Variants in LNPK observed in about 807,000 individuals in gnomAD.
The protein encoded by LNPK is lunapark, ER junction formation factor, also known as endoplasmic reticulum junction formation protein lunapark.
Under a neutral mutation model 55.2 loss-of-function variants are expected in LNPK, and 29 were observed. The observed-to-expected ratio is 0.53, with a 90% confidence interval of 0.39 to 0.72. The LOEUF is 0.72. Among genes scored for constraint, LNPK ranks in the 30% least tolerant of loss-of-function variants. The probability of loss-of-function intolerance (pLI) is 0.00; values close to 1 mark genes in which losing one functional copy is unlikely to be tolerated. For synonymous variants in LNPK, 162 were observed against 168.2 expected, an observed-to-expected ratio of 0.96 and a Z score of 0.29; for missense variants, 467 against 494.8, an observed-to-expected ratio of 0.94 and a Z score of 0.53.
chr2:175,953,635 C>A (rs1485050415), intron 8 of LNPK, among the ~76,000 whole-genome samples: 1 of 151,910 alleles, frequency 6.6e-6, no homozygotes, highest in Non-Finnish European at 1.5e-5. Context: ...TCTCAAATCT[C>A]TTCTTTTTCC....
intron 9 of LNPK, among the ~76,000 whole-genome samples, chr2:175,944,492 G>GAT (rs1240988316): frequency 6.6e-6 from 1 of 152,030 alleles, no homozygotes; most frequent in Non-Finnish European, 1.5e-5. Flanking sequence ...ATTTGCAGGA[G>GAT]ATACTCTGAA....
chr2:175,994,110 T>A, intron 2 of LNPK: 1 of 900,202 alleles, frequency 1.1e-6, no homozygotes, highest in Non-Finnish European at 1.3e-6. Context: ...AAATCACTCA[T>A]AAAACACTTG....
chr2:175,980,704 T>C (rs140115388), intron 4 of LNPK, among the ~76,000 whole-genome samples: 155 of 152,090 alleles, frequency 1.0e-3, no homozygotes, highest in African/African-American at 3.3e-3. Flanking sequence ...GTCAGGAGTT[T>C]GAGACCAGCC....
At chr2:176,001,537 C>G (rs1688159235) in intron 1 of LNPK, among the ~76,000 whole-genome samples, 1 of 152,122 alleles carries the variant, frequency 6.6e-6, no homozygotes, top group East Asian at 1.9e-4. Context: ...TGCACCTTCG[C>G]CCTTCCCCTC....
intron 8 of LNPK, among the ~76,000 whole-genome samples, chr2:175,957,839 C>A (rs574357221): frequency 1.3e-5 from 2 of 152,228 alleles, no homozygotes; most frequent in Non-Finnish European, 2.9e-5. Context: ...CCTGGAAAAT[C>A]GGTACACTCC....
rs536802795 is a variant in LNPK at position 175,986,742 on chromosome 2, G to T, written c.257+5489C>A. On this transcript the variant is annotated intron_variant, in intron 4 of 12. Coordinates refer to ENST00000272748, the MANE Select transcript of LNPK (RefSeq NM_030650.3). ...TTAACAACATTCAACAACCTTTCTT[G>T]ATTAAAAAAAACTAAATACAGTAAG... Among the ~76,000 whole-genome samples the T allele has an allele frequency of 7.9e-5, 12 of 151,840 alleles. No individual in the cohort carries two copies. The East Asian group carries it at 2.1e-3, about 27-fold the overall frequency.
intron 9 of LNPK, among the ~76,000 whole-genome samples, chr2:175,945,510 G>GAAAAAAAAA (rs758611547): frequency 3.8e-5 from 4 of 105,088 alleles, no homozygotes; most frequent in Non-Finnish European, 3.8e-5. Context: ...TGTCTCAAAA[G>GAAAAAAAAA]AAAAAAAAAA....
chr2:175,967,667 C>T (rs1198694733), intron 6 of LNPK: 1 of 984,552 alleles, frequency 1.0e-6, no homozygotes, highest in Middle Eastern at 5.2e-4. Flanking sequence ...TGTCTGGTAT[C>T]CCTGATTTGA....
At chr2:176,001,661 T>A (rs1408441814) in intron 1 of LNPK, among the ~76,000 whole-genome samples, 1 of 152,094 alleles carries the variant, frequency 6.6e-6, no homozygotes, top group Non-Finnish European at 1.5e-5. Flanking sequence ...ACTGACAGTT[T>A]TCAGTCCCTT....
rs1352802132 is a variant in LNPK, at chr2:175,924,113, CA to C, written c.*5853del. 3 of 152,178 alleles carry C rather than the reference CA, an allele frequency of 2.0e-5. No homozygotes were observed. The highest frequency in any genetic ancestry group is 7.2e-5 in the African/African-American group (3 of 41,454). The allele number at this position is 152,178 out of a possible 1,614,324, so 9.4% of individuals were successfully genotyped here. A position where few individuals can be genotyped will look rare whatever the true frequency, so the allele number is the denominator to read the frequency against. ...ATCTCTACCTTGGTTCATCTTTACA[CA>C]AGTACTTGAATTCCCTTTAATGTCT... On this transcript the variant is annotated 3_prime_UTR_variant, in exon 13 of 13. Coordinates refer to ENST00000272748, the MANE Select transcript of LNPK (RefSeq NM_030650.3).
At position 175,932,254 on chromosome 2, in the gene LNPK, C is replaced by T. The variant is rs114721548; in HGVS notation, c.1055-2055G>A. On this transcript the variant is annotated intron_variant, in intron 12 of 12. Transcript: ENST00000272748. Reference sequence around the variant, plus strand: ...AAAAATAGACTTTACTAGTCAAAGCCGATTTAATGTACAAATTCTGGGGCC... The same window carrying T: ...AAAAATAGACTTTACTAGTCAAAGCTGATTTAATGTACAAATTCTGGGGCC... The T allele has an allele frequency of 1.9e-4, 82 of 439,174 alleles. 1 individual carries two copies. Among genetic ancestry groups the T allele is most frequent in the African/African-American group, 1.5e-3 (73 of 49,508 alleles). The allele number at this position is 439,174 out of a possible 1,614,324, so 27.2% of individuals were successfully genotyped here. A position where few individuals can be genotyped will look rare whatever the true frequency, so the allele number is the denominator to read the frequency against.
chr2:175,992,066 A>G (rs951009458), intron 4 of LNPK, among the ~76,000 whole-genome samples, 165 bp downstream of exon 4: 1 of 152,218 alleles, frequency 6.6e-6, no homozygotes, highest in Non-Finnish European at 1.5e-5. Context: ...ATGAAGGTTT[A>G]GAACAATTGT....
intron 12 of LNPK, among the ~76,000 whole-genome samples, chr2:175,930,938 T>C (rs894154089): frequency 6.6e-6 from 1 of 152,136 alleles, no homozygotes. Flanking sequence ...ATTTACTCCT[T>C]TTAAACTCTC....
intron 4 of LNPK, among the ~76,000 whole-genome samples, chr2:175,981,664 T>C (rs1451832126): frequency 6.6e-6 from 1 of 152,124 alleles, no homozygotes; most frequent in African/African-American, 2.4e-5. Flanking sequence ...GAATTGCAAA[T>C]GCCTACCGAG....
chr2:175,967,243 T>C (rs1180853624), intron 6 of LNPK, among the ~76,000 whole-genome samples: 1 of 152,096 alleles, frequency 6.6e-6, no homozygotes, highest in Non-Finnish European at 1.5e-5. Context: ...GTACTAAAGG[T>C]TTTAGGGGCT....
At chr2:175,966,667 T>C (rs1008675971) in intron 6 of LNPK, among the ~76,000 whole-genome samples, 3 of 152,220 alleles carry the variant, frequency 2.0e-5, no homozygotes, top group Admixed American at 1.3e-4. Flanking sequence ...TTTCATATAA[T>C]AGCTTAATTA....
intron 6 of LNPK, among the ~76,000 whole-genome samples, chr2:175,969,038 A>C (rs1686520637): frequency 6.6e-6 from 1 of 152,040 alleles, no homozygotes; most frequent in Non-Finnish European, 1.5e-5. Context: ...AAAAAAAAAA[A>C]CCAAAGTGTA....
chr2:175,927,777 T>C lies in LNPK; in HGVS notation c.*2190A>G, dbSNP rs1454956750. On this transcript the variant is annotated 3_prime_UTR_variant, in exon 13 of 13. Coordinates refer to ENST00000272748, the MANE Select transcript of LNPK (RefSeq NM_030650.3). ...TTTACTAAGTTTCAACCATTAACTGTTTATTATAATAATAATGAAAATAAG... is the reference window on the plus strand; with the variant it reads ...TTTACTAAGTTTCAACCATTAACTGCTTATTATAATAATAATGAAAATAAG... The C allele has an allele frequency of 6.6e-6, 1 of 151,374 alleles. No individual in the cohort carries two copies. The highest frequency in any genetic ancestry group is 1.5e-5 in the Non-Finnish European group (1 of 67,742). The allele number at this position is 151,374 out of a possible 1,614,324, so 9.4% of individuals were successfully genotyped here.
chr2:175,995,981 T>G (rs188753946), intron 1 of LNPK, among the ~76,000 whole-genome samples: 19 of 151,940 alleles, frequency 1.3e-4, no homozygotes, highest in Non-Finnish European at 1.9e-4. Flanking sequence ...CCTGGCTAAT[T>G]TTTGTATTCT....
Sources: gnomAD v4.1 joint callset for allele counts (sites outside exome capture counted in the v4.1 genomes callset) on GRCh38, gnomAD v4.1.1 for gene constraint, MANE v1.5 for transcripts, NCBI Gene and HGNC (gene_info 2026-07-23, HGNC 2026-07-21) for gene names.